Variants in SLC25A36 observed in about 807,000 individuals in gnomAD.
The protein encoded by SLC25A36 is epididymis secretory sperm binding protein.
SLC25A36 carries 24 observed loss-of-function variants against 35.3 expected under a neutral mutation model. The observed-to-expected ratio is 0.68, with a 90% CI of 0.49 to 0.96. The LOEUF (loss-of-function observed/expected upper bound fraction) is 0.96. Ranked by LOEUF, SLC25A36 falls within the 40% of genes least tolerant of loss-of-function variation. The pLI, the probability that SLC25A36 is intolerant of heterozygous loss-of-function variation, is 0.00. For synonymous variants in SLC25A36, 141 were observed against 132.2 expected, an observed-to-expected ratio of 1.07 and a Z score of -0.46; for missense variants, 294 against 381.1, an observed-to-expected ratio of 0.77 and a Z score of 1.90.
At chr3:140,966,271 A>AATTC (rs1559815452) in intron 4 of SLC25A36, 1 of 214,378 alleles carries the variant, frequency 4.7e-6, no homozygotes, top group Non-Finnish European at 9.8e-6. Context: ...CATGGCAGTT[A>AATTC]ATTCAGCCAG....
At chr3:140,949,346 T>C (rs1252491383) in intron 1 of SLC25A36, among the ~76,000 whole-genome samples, 2 of 152,230 alleles carry the variant, frequency 1.3e-5, no homozygotes, top group African/African-American at 4.8e-5. Flanking sequence ...CACATTCCAG[T>C]AAATTACCGA....
chr3:140,949,167 A>G (rs1934249535), intron 1 of SLC25A36, among the ~76,000 whole-genome samples: 1 of 152,190 alleles, frequency 6.6e-6, no homozygotes, highest in Admixed American at 6.5e-5. Context: ...TCTTTACTCA[A>G]GAGGTCCATA....
intron 3 of SLC25A36, among the ~76,000 whole-genome samples, chr3:140,962,651 TTA>T (rs147636229): frequency 0.075 from 11,349 of 152,116 alleles, 524 homozygotes; most frequent in East Asian, 0.16. Flanking sequence ...ATGAAGAAAA[TTA>T]TATGTTAAGT....
chr3:140,953,647 A>G (rs1296328117), intron 1 of SLC25A36, among the ~76,000 whole-genome samples: 3 of 152,282 alleles, frequency 2.0e-5, no homozygotes, highest in Admixed American at 6.5e-5. Context: ...GTATAAAGTC[A>G]TTTAAACACT....
rs1303049676 is a variant in SLC25A36, at chr3:140,980,893, A to C, written c.*4440A>C. 2.6e-5 allele frequency among the ~76,000 whole-genome samples: 4 copies of C among 152,240 alleles called. No individual in the cohort carries two copies. The East Asian group carries it at 5.8e-4, about 22-fold the overall frequency. ...GCCTTAATATGTATTGAATCAATTC[A>C]AGATTTATGTTCATAGAGTGCTGTG... is the stretch of plus-strand genomic sequence containing the variant. On this transcript the variant is annotated 3_prime_UTR_variant, in exon 7 of 7. Transcript: ENST00000324194.
rs572008801 is a variant in SLC25A36 at position 140,953,056 on chromosome 3, A to G, written c.42-3471A>G. Among the ~76,000 whole-genome samples the G allele has an allele frequency of 7.9e-5, 12 of 152,302 alleles. No individual in the cohort carries two copies. The South Asian group carries it at 2.5e-3, about 32-fold the overall frequency. Reference sequence around the variant, plus strand: ...GGTTTGCCATAAATAGATCACTGTTATAGTGTGAATATGGTATGGACTAAC... The same window carrying G: ...GGTTTGCCATAAATAGATCACTGTTGTAGTGTGAATATGGTATGGACTAAC... On this transcript the variant is annotated intron_variant, in intron 1 of 6. Coordinates refer to ENST00000324194, the MANE Select transcript of SLC25A36 (RefSeq NM_001104647.3).
chr3:140,946,922 A>G (rs1467062385), intron 1 of SLC25A36, among the ~76,000 whole-genome samples: 2 of 152,164 alleles, frequency 1.3e-5, no homozygotes, highest in Non-Finnish European at 2.9e-5. Flanking sequence ...CCATGAGCCT[A>G]GTTGAGATCA....
intron 3 of SLC25A36, among the ~76,000 whole-genome samples, chr3:140,960,581 G>A (rs965689439): frequency 1.5e-4 from 23 of 152,136 alleles, no homozygotes; most frequent in South Asian, 2.1e-4. Context: ...TTTGTGTATC[G>A]TTGAAGGGCA....
chr3:140,973,547 A>T (rs1427440741), intron 5 of SLC25A36, 169 bp from the exon 6 acceptor site: 1 of 510,570 alleles, frequency 2.0e-6, no homozygotes, highest in Non-Finnish European at 3.1e-6. Flanking sequence ...ATTTAATATG[A>T]CAAATTTGGG....
At position 140,966,669 on chromosome 3, in the gene SLC25A36, T is replaced by C. The variant is rs552283572; in HGVS notation, c.385+3442T>C. 3.4e-4 allele frequency: 114 copies of C among 332,462 alleles called. 1 individual carries two copies. Among genetic ancestry groups the C allele is most frequent in the Admixed American group, 1.6e-3 (41 of 25,528 alleles). The allele number at this position is 332,462 out of a possible 1,614,324, so 20.6% of individuals were successfully genotyped here. ...TCCCTTTTGACAAGGTTAGCATTTTTTCTTTAAGGCAGAATTGATCTTCTT... is the reference window on the plus strand; with the variant it reads ...TCCCTTTTGACAAGGTTAGCATTTTCTCTTTAAGGCAGAATTGATCTTCTT... On this transcript the variant is annotated intron_variant, in intron 4 of 6. Coordinates refer to ENST00000324194, the MANE Select transcript of SLC25A36 (RefSeq NM_001104647.3).
intron 1 of SLC25A36, among the ~76,000 whole-genome samples, chr3:140,947,337 T>C (rs1934192781): frequency 1.3e-5 from 2 of 152,164 alleles, no homozygotes; most frequent in African/African-American, 4.8e-5. Context: ...TTACTAAACC[T>C]GCCACATTCC....
intron 1 of SLC25A36, among the ~76,000 whole-genome samples, chr3:140,954,076 T>C (rs750225723): frequency 6.6e-6 from 1 of 152,210 alleles, no homozygotes; most frequent in Non-Finnish European, 1.5e-5. Context: ...TGGAAACCAC[T>C]GATCTCATTT....
chr3:140,945,046 A>G (rs1280135406), intron 1 of SLC25A36, among the ~76,000 whole-genome samples: 1 of 152,176 alleles, frequency 6.6e-6, no homozygotes, highest in Non-Finnish European at 1.5e-5. Context: ...AATACCAAAA[A>G]CTGGTGGCTT....
At chr3:140,962,025 C>T (rs1934643964) in intron 3 of SLC25A36, among the ~76,000 whole-genome samples, 1 of 151,918 alleles carries the variant, frequency 6.6e-6, no homozygotes, top group South Asian at 2.1e-4. Context: ...TGCAGTCATA[C>T]TTTCTTGTAA....
At chr3:140,950,918 C>CTGTGTGTCTGTGTGTGTGTGTGTGTGTG (rs1553726051) in intron 1 of SLC25A36, among the ~76,000 whole-genome samples, 4 of 136,464 alleles carry the variant, frequency 2.9e-5, no homozygotes, top group African/African-American at 1.1e-4. Context: ...GTCTGTGTGT[C>CTGTGTGTCTGTGTGTGTGTGTGTGTGTG]TGTGTGTGTG....
At chr3:140,956,420 G>T (rs1235350328) in intron 1 of SLC25A36, 107 bp from the exon 2 acceptor site, 1 of 1,246,376 alleles carries the variant, frequency 8.0e-7, no homozygotes, top group African/African-American at 1.5e-5. Flanking sequence ...ATAAATTTTA[G>T]TATGTTGGCA....
chr3:140,951,516 C>G (rs1017621183), intron 1 of SLC25A36, among the ~76,000 whole-genome samples: 3 of 152,198 alleles, frequency 2.0e-5, no homozygotes, highest in African/African-American at 4.8e-5. Flanking sequence ...GAGTCTCGCT[C>G]TGTCACCCAG....
intron 5 of SLC25A36, among the ~76,000 whole-genome samples, chr3:140,972,364 GT>G (rs1934926873): frequency 6.6e-6 from 1 of 151,876 alleles, no homozygotes; most frequent in African/African-American, 2.4e-5. Context: ...GAGGATTCTG[GT>G]TTATAAGGCT....
intron 4 of SLC25A36, chr3:140,964,302 G>C (rs1324326121): frequency 2.0e-5 from 3 of 151,828 alleles, no homozygotes; most frequent in Non-Finnish European, 4.4e-5. Context: ...ATTGTCAGTT[G>C]ATTCACTGAA....
Sources: gnomAD v4.1 joint callset for allele counts (sites outside exome capture counted in the v4.1 genomes callset) on GRCh38, gnomAD v4.1.1 for gene constraint, MANE v1.5 for transcripts, NCBI Gene and HGNC (gene_info 2026-07-23, HGNC 2026-07-21) for gene names.